SV2C: variants seen among roughly 807,000 people sequenced by gnomAD.
SV2C encodes the protein solute carrier family 22 member B3.
A neutral mutation model predicts 79.7 loss-of-function variants in SV2C; 49 were observed. That is an observed-to-expected ratio of 0.61 (90% CI 0.49 to 0.78). SV2C has a LOEUF of 0.78. Among genes scored for constraint, SV2C ranks in the 30% least tolerant of loss-of-function variants. The pLI, the probability that SV2C is intolerant of heterozygous loss-of-function variation, is 0.00. For missense variants in SV2C, 833 were observed against 912.9 expected (o/e 0.91, Z 1.13); for synonymous variants, 334 against 333.2 (o/e 1.00, Z -0.03).
intron 12 of SV2C, among the ~76,000 whole-genome samples, chr5:76,318,600 G>A (rs548141313): frequency 5.5e-4 from 84 of 152,308 alleles, no homozygotes; most frequent in African/African-American, 1.9e-3. Flanking sequence ...CTCAGACCAA[G>A]GAAGTTTATG....
chr5:76,339,136 A>G (rs1749388755), intron 12 of SV2C, among the ~76,000 whole-genome samples: 1 of 152,188 alleles, frequency 6.6e-6, no homozygotes, highest in Non-Finnish European at 1.5e-5. Context: ...CAAACACAAA[A>G]TTAACGTAAA....
chr5:76,085,821 G>A (rs973221087), intron 1 of SV2C, among the ~76,000 whole-genome samples: 1 of 72,772 alleles, frequency 1.4e-5, no homozygotes, highest in Non-Finnish European at 2.7e-5. Context: ...AGCAAACAAA[G>A]CCCCTACACA....
intron 4 of SV2C, among the ~76,000 whole-genome samples, chr5:76,277,750 T>G (rs917635926): frequency 2.0e-5 from 3 of 147,338 alleles, no homozygotes; most frequent in African/African-American, 5.2e-5. Flanking sequence ...CTAGGAGACC[T>G]GTCTCAAAAA....
chr5:75,851,953 G>A, the SV2C span, among the ~76,000 whole-genome samples: 9 of 152,302 alleles, frequency 5.9e-5, no homozygotes, highest in South Asian at 4.1e-4. Flanking sequence ...GTGAGCCACC[G>A]CGCCTGGCCG....
the SV2C span, chr5:75,911,467 A>G: frequency 1.1e-6 from 1 of 917,656 alleles, no homozygotes; most frequent in South Asian, 1.6e-5. Context: ...CTCCTCAGGG[A>G]ACATACCCTC....
chr5:76,049,332 A>AG, the SV2C span, among the ~76,000 whole-genome samples: 8 of 151,050 alleles, frequency 5.3e-5, no homozygotes, highest in African/African-American at 2.0e-4. Context: ...GCGAAAAAAA[A>AG]AAAAAAGAAA....
At chr5:76,313,476 T>C (rs1473031768) in intron 12 of SV2C, among the ~76,000 whole-genome samples, 2 of 152,190 alleles carry the variant, frequency 1.3e-5, no homozygotes, top group East Asian at 3.9e-4. Flanking sequence ...AACCTTGCCA[T>C]CAGGCAATAT....
intron 1 of SV2C, among the ~76,000 whole-genome samples, chr5:76,090,968 T>G (rs944750399): frequency 1.5e-4 from 23 of 152,326 alleles, no homozygotes; most frequent in African/African-American, 5.1e-4. Flanking sequence ...TAGCCTCTTT[T>G]AAAATGCACG....
At chr5:76,282,509 A>T (rs1263844100) in intron 4 of SV2C, among the ~76,000 whole-genome samples, 1 of 152,262 alleles carries the variant, frequency 6.6e-6, no homozygotes, top group Non-Finnish European at 1.5e-5. Flanking sequence ...AACACAAAAA[A>T]GTCAACCTGT....
the SV2C span, among the ~76,000 whole-genome samples, chr5:75,941,040 T>C: frequency 6.6e-6 from 1 of 152,300 alleles, no homozygotes; most frequent in South Asian, 2.1e-4. Context: ...GCTAAAGAGC[T>C]CAATGGCTTT....
the SV2C span, among the ~76,000 whole-genome samples, chr5:75,961,363 A>G: frequency 6.2e-4 from 94 of 152,118 alleles, no homozygotes; most frequent in African/African-American, 2.1e-3. Context: ...TAGCAAAATC[A>G]CTAATTATGT....
chr5:76,048,029 TA>T, the SV2C span, among the ~76,000 whole-genome samples: 2 of 152,212 alleles, frequency 1.3e-5, no homozygotes, highest in Non-Finnish European at 2.9e-5. Context: ...ATAATTGAGG[TA>T]ATGCACATAT....
the SV2C span, among the ~76,000 whole-genome samples, chr5:75,849,778 C>G: frequency 2.0e-5 from 3 of 152,116 alleles, no homozygotes; most frequent in African/African-American, 7.2e-5. Flanking sequence ...TTTTAGAATG[C>G]AATTAACCCT....
the SV2C span, among the ~76,000 whole-genome samples, chr5:75,865,438 A>G: frequency 5.9e-5 from 9 of 152,220 alleles, no homozygotes; most frequent in Non-Finnish European, 1.3e-4. Flanking sequence ...TAGATGGGCT[A>G]CTTTGGTATG....
the SV2C span, chr5:75,920,954 C>T: frequency 2.6e-4 from 187 of 721,204 alleles, no homozygotes; most frequent in African/African-American, 2.1e-3. Context: ...GATGATGGCC[C>T]GGCCCCTGAG....
At chr5:75,967,496 C>T in the SV2C span, among the ~76,000 whole-genome samples, 1 of 152,190 alleles carries the variant, frequency 6.6e-6, no homozygotes, top group Non-Finnish European at 1.5e-5. Flanking sequence ...TTCCAACAGG[C>T]TTAACAAATG....
At position 76,173,056 on chromosome 5, in the gene SV2C, T is replaced by TA. The variant is rs202156740; in HGVS notation, c.581-21854dup. On this transcript the variant is annotated intron_variant, in intron 2 of 12. Transcript: ENST00000502798. ...AAGAATTATCAATAAAAAAATAAATTAAAAAAAAATACAAAAAAAAAAAAA... is the reference window on the plus strand; with the variant it reads ...AAGAATTATCAATAAAAAAATAAATTAAAAAAAAAATACAAAAAAAAAAAAA... Among the ~76,000 whole-genome samples, 34 of 89,262 alleles carry TA rather than the reference T, an allele frequency of 3.8e-4. 2 individuals are homozygous for TA. The highest frequency in any genetic ancestry group is 7.8e-4 in the Admixed American group (7 of 8,928). The allele number at this position is 89,262 out of a possible 152,430, so 58.6% of individuals were successfully genotyped here. A position where few individuals can be genotyped will look rare whatever the true frequency, so the allele number is the denominator to read the frequency against.
At chr5:75,977,529 A>G in the SV2C span, among the ~76,000 whole-genome samples, 1 of 152,058 alleles carries the variant, frequency 6.6e-6, no homozygotes, top group Admixed American at 6.5e-5. Context: ...AGACCTTTAA[A>G]TTAAATTTGT....
At chr5:76,104,395 A>G (rs956213002) in intron 1 of SV2C, among the ~76,000 whole-genome samples, 6 of 152,162 alleles carry the variant, frequency 3.9e-5, no homozygotes, top group Non-Finnish European at 5.9e-5. Flanking sequence ...TTTTTAAGAG[A>G]CAAGGTCTTG....
Sources: allele counts gnomAD v4.1 joint callset (sites outside exome capture counted in the v4.1 genomes callset), GRCh38; gene constraint gnomAD v4.1.1; transcripts MANE v1.5; gene names NCBI Gene and HGNC (gene_info 2026-07-23, HGNC 2026-07-21).